TRIB3: variants seen among roughly 807,000 people sequenced by gnomAD.
TRIB3 encodes tribbles homolog 3.
Under a neutral mutation model 16.6 loss-of-function variants are expected in TRIB3, and 20 were observed. The observed-to-expected ratio is 1.20, with a 90% CI of 0.85 to 1.75. The LOEUF is 1.75. Ranked by LOEUF, TRIB3 falls within the 40% of genes most tolerant of loss-of-function variation. The probability of loss-of-function intolerance (pLI) is 0.00; values close to 1 mark genes in which losing one functional copy is unlikely to be tolerated. For missense variants in TRIB3, 484 were observed against 488.9 expected (o/e 0.99, Z 0.10); for synonymous variants, 208 against 217.0 (o/e 0.96, Z 0.36).
At chr20:392,362 G>C (rs1397898261) in intron 3 of TRIB3, among the ~76,000 whole-genome samples, 1 of 152,072 alleles carries the variant, frequency 6.6e-6, no homozygotes. Context: ...ACTGACTTTG[G>C]GTGACCTAGT....
At chr20:389,779 T>C (rs1474294751) in intron 2 of TRIB3, among the ~76,000 whole-genome samples, 2 of 152,216 alleles carry the variant, frequency 1.3e-5, no homozygotes, top group East Asian at 1.9e-4. Context: ...CACTGGAACA[T>C]ACTCACCCCT....
rs761884642 is a variant in TRIB3, at chr20:391,500, G to A, written c.505G>A (p.Ala169Thr). 38 of 1,613,580 alleles carry A rather than the reference G, an allele frequency of 2.4e-5. No homozygotes were observed. The South Asian group carries it at 2.5e-4, about 11-fold the overall frequency. Reference sequence around the variant, plus strand: ...CGTGCTCTTCCGCCAGATGGCCACCGCCCTGGCGCACTGTCACCAGCACGG... The same window carrying A: ...CGTGCTCTTCCGCCAGATGGCCACCACCCTGGCGCACTGTCACCAGCACGG... ...AAVLFRQMAT[A>T]LAHCHQHGLV... is the part of the protein sequence containing the mutation. Residue 169 changes from alanine to threonine, a missense_variant, in exon 3 of 4, where the codon GCC becomes ACC. Ala to Thr is a moderately conservative substitution (Grantham distance 58). Transcript: ENST00000217233.
chr20:386,275 C>A (rs1459972746), intron 1 of TRIB3, among the ~76,000 whole-genome samples: 1 of 151,774 alleles, frequency 6.6e-6, no homozygotes, highest in Non-Finnish European at 1.5e-5. Flanking sequence ...AGTGAATGAA[C>A]AAGATCATAT....
chr20:391,373 C>T lies in TRIB3; in HGVS notation c.378C>T (p.Val126=), dbSNP rs1243970777. ...PHKHVARPTE[V]LAGTQLLYAF... ...AGCATGTGGCTCGGCCCACTGAGGT[C>T]CTGGCTGGTACCCAGCTCCTCTACG... is the stretch of plus-strand genomic sequence containing the variant. The change falls in exon 3 of 4, where the codon GTC becomes GTT. Residue 126 remains valine (V), a synonymous_variant. Transcript: ENST00000217233. 6.2e-7 allele frequency: 1 copy of T among 1,613,426 alleles called. No individual in the cohort carries two copies. The highest frequency in any genetic ancestry group is 2.2e-5 in the East Asian group (1 of 44,898).
intron 2 of TRIB3, among the ~76,000 whole-genome samples, chr20:389,836 T>A (rs2014925287): frequency 2.0e-5 from 3 of 152,236 alleles, no homozygotes; most frequent in Non-Finnish European, 1.5e-5. Flanking sequence ...CCACACTTCC[T>A]CAGCTTTTCT....
intron 1 of TRIB3, 108 bp from the exon 2 acceptor site, chr20:387,903 T>C: frequency 7.6e-7 from 1 of 1,317,714 alleles, no homozygotes; most frequent in Non-Finnish European, 1.0e-6. Flanking sequence ...TAACACACAC[T>C]GCCAGATCAC....
At chr20:384,923 TGATACAAG>T (rs1382479265) in intron 1 of TRIB3, among the ~76,000 whole-genome samples, 1 of 152,172 alleles carries the variant, frequency 6.6e-6, no homozygotes, top group African/African-American at 2.4e-5. Context: ...AGCCATATGC[TGATACAAG>T]GATACAAGGG....
At chr20:383,880 A>G (rs1291818110) in intron 1 of TRIB3, among the ~76,000 whole-genome samples, 1 of 152,198 alleles carries the variant, frequency 6.6e-6, no homozygotes, top group Non-Finnish European at 1.5e-5. Context: ...CTGCCAAGAC[A>G]TAAGGGTCTG....
At position 396,203 on chromosome 20, in the gene TRIB3, A is replaced by G. The variant is rs1348438161; in HGVS notation, c.590A>G (p.Lys197Arg). The G allele has an allele frequency of 6.2e-7, 1 of 1,606,460 alleles. No homozygotes were observed. The highest frequency in any genetic ancestry group is 8.5e-7 in the Non-Finnish European group (1 of 1,174,130). Residue 197 changes from lysine (K) to arginine (R), a missense_variant, in exon 4 of 4, where the codon AAG becomes AGG. Lys to Arg is a conservative substitution (Grantham distance 26). Transcript: ENST00000217233. Reference sequence around the variant, plus strand: ...TGTTTCTCCCCATGTCCCAGGAAGAAGCTGGTGCTGGAGAACCTGGAGGAC... The same window carrying G: ...TGTTTCTCCCCATGTCCCAGGAAGAGGCTGGTGCTGGAGAACCTGGAGGAC... ...RFVFADRERK[K>R]LVLENLEDSC...
rs748128309 is a variant in TRIB3 at position 397,058 on chromosome 20, G to T, written c.*368G>T. On this transcript the variant is annotated 3_prime_UTR_variant, in exon 4 of 4. Coordinates refer to ENST00000217233, the MANE Select transcript of TRIB3 (RefSeq NM_021158.5). ...ACCAGTGTCGGCCTCCACTGATGCT[G>T]GTGCTCAGGCACCTCTGTCCAAGGA... 1 of 208,086 alleles carries T rather than the reference G, an allele frequency of 4.8e-6. No homozygotes were observed. The highest frequency in any genetic ancestry group is 9.7e-6 in the Non-Finnish European group (1 of 103,068). The allele number at this position is 208,086 out of a possible 1,614,324, so 12.9% of individuals were successfully genotyped here.
intron 1 of TRIB3, chr20:385,517 C>T (rs1349736458): frequency 1.3e-5 from 2 of 151,926 alleles, no homozygotes; most frequent in Non-Finnish European, 2.9e-5. Context: ...CTTCCCTCAC[C>T]CCAGAACAGG....
intron 2 of TRIB3, among the ~76,000 whole-genome samples, chr20:388,686 T>C (rs1277403715): frequency 1.3e-5 from 2 of 152,014 alleles, no homozygotes; most frequent in Non-Finnish European, 2.9e-5. Context: ...GACTTCTCTG[T>C]GGCCAGAGTG....
chr20:385,861 T>C (rs1214646375), intron 1 of TRIB3: 2 of 104,986 alleles, frequency 1.9e-5, no homozygotes, highest in African/African-American at 4.6e-5. Flanking sequence ...CTGTATGTGA[T>C]TTTTTTTTTT....
At chr20:382,668 C>A (rs1426774391) in intron 1 of TRIB3, 1 of 1,245,276 alleles carries the variant, frequency 8.0e-7, no homozygotes, top group Non-Finnish European at 1.1e-6. Flanking sequence ...TTCATTTCAT[C>A]ATCACGAAAA....
intron 3 of TRIB3, among the ~76,000 whole-genome samples, chr20:394,778 C>T (rs1051454895): frequency 3.3e-5 from 5 of 151,256 alleles, no homozygotes; most frequent in African/African-American, 1.2e-4. Flanking sequence ...AGAGTGAGAC[C>T]CTATCTCTAA....
chr20:388,428 A>G, intron 2 of TRIB3, 127 bp downstream of exon 2: 5 of 1,239,690 alleles, frequency 4.0e-6, no homozygotes, highest in Non-Finnish European at 5.4e-6. Flanking sequence ...GTGGGGAAGC[A>G]TCCAGGGAGC....
In TRIB3 at chr20:391,422, G is replaced by A. The variant is rs1007900461; in HGVS notation, c.427G>A (p.Asp143Asn). 2 of 1,613,926 alleles carry A rather than the reference G, an allele frequency of 1.2e-6. 1 individual carries two copies. The highest frequency in any genetic ancestry group is 2.2e-5 in the South Asian group (2 of 91,088). The change falls in exon 3 of 4, where the codon GAC (aspartate) becomes AAC (asparagine). Residue 143 changes from aspartate to asparagine, a missense_variant. Transcript: ENST00000217233. ...LYAFFTRTHG[D>N]MHSLVRSRHR... ...CGCCTTTTTCACTCGGACCCATGGG[G>A]ACATGCACAGCCTGGTGCGAAGCCG...
At chr20:381,673 G>C (rs947091158) in intron 1 of TRIB3, among the ~76,000 whole-genome samples, 2 of 152,156 alleles carry the variant, frequency 1.3e-5, no homozygotes, top group African/African-American at 4.8e-5. Context: ...GAGCTGTCTG[G>C]AGGGCTGGGC....
chr20:386,785 C>A (rs1404632684), intron 1 of TRIB3, among the ~76,000 whole-genome samples: 1 of 151,658 alleles, frequency 6.6e-6, no homozygotes, highest in South Asian at 2.1e-4. Context: ...GTTGGCCAGG[C>A]TGGTCTCAAA....
Sources: allele counts gnomAD v4.1 joint callset (sites outside exome capture counted in the v4.1 genomes callset), GRCh38; gene constraint gnomAD v4.1.1; transcripts MANE v1.5; gene names NCBI Gene and HGNC (gene_info 2026-07-23, HGNC 2026-07-21).